The following NT5M variants were observed in gnomAD, a reference collection of about 807,000 sequenced individuals.
NT5M encodes the protein 5'(3')-deoxyribonucleotidase, mitochondrial.
A neutral mutation model predicts 22.2 loss-of-function variants in NT5M; 22 were observed. That is an observed-to-expected ratio of 0.99 (90% CI 0.71 to 1.41). The LOEUF is 1.41. Among genes scored for constraint, NT5M ranks in the 40% most tolerant of loss-of-function variants. NT5M has a pLI of 0.00. For synonymous variants in NT5M, 167 were observed against 133.0 expected, an observed-to-expected ratio of 1.26 and a Z score of -1.76; for missense variants, 322 against 314.8, an observed-to-expected ratio of 1.02 and a Z score of -0.17.
chr17:17,311,074 C>T (rs1368057324), intron 2 of NT5M, among the ~76,000 whole-genome samples: 3 of 152,276 alleles, frequency 2.0e-5, no homozygotes, highest in Non-Finnish European at 2.9e-5. Flanking sequence ...CGGTGGCTCA[C>T]GCTTGTAATC....
At chr17:17,345,375 G>A (rs184905982) in intron 4 of NT5M, 14 of 594,620 alleles carry the variant, frequency 2.4e-5, no homozygotes, top group South Asian at 7.3e-5. Flanking sequence ...TTGAACTGCC[G>A]TAGAAAGGAG....
intron 3 of NT5M, among the ~76,000 whole-genome samples, chr17:17,326,966 C>T (rs1238542127): frequency 1.3e-5 from 2 of 152,114 alleles, no homozygotes; most frequent in Admixed American, 6.6e-5. Context: ...GGCTGGAGTG[C>T]AGTGGTGCGA....
intron 2 of NT5M, among the ~76,000 whole-genome samples, chr17:17,320,590 G>T (rs1465242405): frequency 6.6e-6 from 1 of 152,200 alleles, no homozygotes; most frequent in Non-Finnish European, 1.5e-5. Flanking sequence ...AGGGGATCAC[G>T]TTTCCCACGT....
intron 3 of NT5M, among the ~76,000 whole-genome samples, chr17:17,329,045 T>C (rs1418010417): frequency 6.6e-6 from 1 of 152,182 alleles, no homozygotes; most frequent in African/African-American, 2.4e-5. Flanking sequence ...TGGCGTGATC[T>C]TGGCTCACTG....
intron 3 of NT5M, among the ~76,000 whole-genome samples, chr17:17,344,366 T>C (rs2049712084): frequency 6.6e-6 from 1 of 151,980 alleles, no homozygotes; most frequent in Non-Finnish European, 1.5e-5. Context: ...AGGAACTGCT[T>C]TTTGTCTTGG....
At chr17:17,339,548 C>T (rs2049595353) in intron 3 of NT5M, among the ~76,000 whole-genome samples, 1 of 152,086 alleles carries the variant, frequency 6.6e-6, no homozygotes, top group Admixed American at 6.6e-5. Flanking sequence ...TTGTCATGTT[C>T]CCGGTCTTAG....
At chr17:17,340,190 T>G (rs879527503) in intron 3 of NT5M, among the ~76,000 whole-genome samples, 59 of 152,346 alleles carry the variant, frequency 3.9e-4, no homozygotes, top group African/African-American at 1.4e-3. Flanking sequence ...TTTGAATTTC[T>G]TCATGGTTCA....
chr17:17,345,004 C>G, intron 4 of NT5M, 96 bp downstream of exon 4: 1 of 1,535,968 alleles, frequency 6.5e-7, no homozygotes. Flanking sequence ...TCCTGCCCCA[C>G]TTAGTCACCA....
intron 3 of NT5M, among the ~76,000 whole-genome samples, chr17:17,324,715 G>A (rs1248698053): frequency 6.6e-6 from 1 of 152,044 alleles, no homozygotes; most frequent in Non-Finnish European, 1.5e-5. Flanking sequence ...AGGCTGGAGT[G>A]CAGTGGCCAC....
chr17:17,342,687 C>A (rs2049670487), intron 3 of NT5M, among the ~76,000 whole-genome samples: 1 of 152,200 alleles, frequency 6.6e-6, no homozygotes, highest in African/African-American at 2.4e-5. Context: ...TTTCCCTCTG[C>A]CTGGAATGTT....
rs558585179 is a variant in NT5M, at chr17:17,346,106, G to A, written c.545-699G>A. ...GAAACATGCCCACCTCCATCACTGC[G>A]TCCAGAGGGTGGACTCCACGAGTGT... On this transcript the variant is annotated intron_variant, in intron 4 of 4. Transcript: ENST00000389022. 7.1e-4 allele frequency among the ~76,000 whole-genome samples: 108 copies of A among 152,208 alleles called. 2 individuals are homozygous for A. Among genetic ancestry groups the A allele is most frequent in the Non-Finnish European group, 1.4e-3 (96 of 68,002 alleles).
chr17:17,306,696 C>G (rs1343603616), intron 2 of NT5M, 53 bp downstream of exon 2: 1 of 1,179,346 alleles, frequency 8.5e-7, no homozygotes, highest in Admixed American at 1.7e-5. Flanking sequence ...GCCACTGAGC[C>G]CTGTACCTCC....
At position 17,346,982 on chromosome 17, in the gene NT5M, T is replaced by G; in HGVS notation, c.*35T>G. On this transcript the variant is annotated 3_prime_UTR_variant, in exon 5 of 5. Coordinates refer to ENST00000389022, the MANE Select transcript of NT5M (RefSeq NM_020201.4). ...TGCTTCGGGCTCCTCTGTGGGGCTC[T>G]GACCTCAGGGCTCCCAGCTCGGGGC... 6.2e-7 allele frequency: 1 copy of G among 1,605,460 alleles called. No homozygotes were observed.
intron 3 of NT5M, among the ~76,000 whole-genome samples, chr17:17,339,376 CTTT>C (rs753402266): frequency 5.3e-5 from 8 of 151,854 alleles, no homozygotes; most frequent in Non-Finnish European, 8.8e-5. Context: ...TTGGTGGAAT[CTTT>C]AGGTTTTTCC....
At chr17:17,304,392 A>T (rs1396853593) in intron 1 of NT5M, 1 of 985,172 alleles carries the variant, frequency 1.0e-6, no homozygotes, top group Non-Finnish European at 1.2e-6. Flanking sequence ...CCTGAGCTCA[A>T]CCCCTACCAT....
rs144427621 is a variant in NT5M, at chr17:17,347,644, T to C, written c.*697T>C. 2 of 152,496 alleles carry C rather than the reference T, an allele frequency of 1.3e-5. No individual in the cohort carries two copies. Among genetic ancestry groups the C allele is most frequent in the East Asian group, 3.9e-4 (2 of 5,192 alleles). 9.4% of individuals were successfully genotyped at this position (152,496 alleles called of 1,614,324 possible). On this transcript the variant is annotated 3_prime_UTR_variant, in exon 5 of 5. Transcript: ENST00000389022. ...TGTTGAGTGCATGAAAAATAAATGC[T>C]GTTCATGTGTGTAGCTCAAGGCTGT...
At chr17:17,306,291 G>A (rs980471685) in intron 1 of NT5M, among the ~76,000 whole-genome samples, 5 of 152,202 alleles carry the variant, frequency 3.3e-5, no homozygotes, top group Admixed American at 2.0e-4. Flanking sequence ...GCTCCAGCAG[G>A]TGTAGGAGTC....
rs896517410 is a variant in NT5M, at chr17:17,327,150, G to A, written c.429+3905G>A. Among the ~76,000 whole-genome samples, 4 of 79,742 alleles carry A rather than the reference G, an allele frequency of 5.0e-5. 1 individual carries two copies. The highest frequency in any genetic ancestry group is 1.1e-4 in the Non-Finnish European group (4 of 37,024). The allele number at this position is 79,742 out of a possible 152,430, so 52.3% of individuals were successfully genotyped here. ...AGGCTGGTCTCTAGCTCCTGACCTC[G>A]TGATCCACCCATCTTGTCCTCCCAG... is the stretch of plus-strand genomic sequence containing the variant. On this transcript the variant is annotated intron_variant, in intron 3 of 4. Coordinates refer to ENST00000389022, the MANE Select transcript of NT5M (RefSeq NM_020201.4).
At chr17:17,336,000 C>CTTTTT (rs1167144502) in intron 3 of NT5M, among the ~76,000 whole-genome samples, 53 of 98,930 alleles carry the variant, frequency 5.4e-4, no homozygotes, top group Non-Finnish European at 7.4e-4. Context: ...CTTATTCATT[C>CTTTTT]TTTTTTTTTT....
Sources: allele counts gnomAD v4.1 joint callset (sites outside exome capture counted in the v4.1 genomes callset), GRCh38; gene constraint gnomAD v4.1.1; transcripts MANE v1.5; gene names NCBI Gene and HGNC (gene_info 2026-07-23, HGNC 2026-07-21).